The following SLC44A5 variants were observed in gnomAD, a reference collection of about 807,000 sequenced individuals.
The protein encoded by SLC44A5 is solute carrier family 44 member 5, also known as choline transporter-like protein 5.
A neutral mutation model predicts 101.8 loss-of-function variants in SLC44A5; 57 were observed. The ratio of observed to expected loss-of-function variants is 0.56; its 90% CI spans 0.45 to 0.70. The LOEUF (loss-of-function observed/expected upper bound fraction) is 0.70, where lower values mean the gene tolerates loss of function less well. Ranked by LOEUF, SLC44A5 falls within the 30% of genes least tolerant of loss-of-function variation. The pLI is 0.00. For missense variants in SLC44A5, 737 were observed against 853.1 expected, an observed-to-expected ratio of 0.86 and a Z score of 1.70; for synonymous variants, 281 against 290.9, an observed-to-expected ratio of 0.97 and a Z score of 0.35.
rs1428140406 is a variant in SLC44A5, at chr1:75,279,868, T to G, written c.176-4826A>C. Among the ~76,000 whole-genome samples, 4 of 152,008 alleles carry G rather than the reference T, an allele frequency of 2.6e-5. No homozygotes were observed. The East Asian group carries it at 7.8e-4, about 30-fold the overall frequency. ...TTTGGTGCACCTGAGCAGTGTACAT[T>G]CTACCCAATGTGTAGTATTTTGTCT... On this transcript the variant is annotated intron_variant, in intron 5 of 23. Coordinates refer to ENST00000370859, the MANE Select transcript of SLC44A5 (RefSeq NM_001130058.2).
At chr1:75,347,465 T>G (rs1220874695) in intron 3 of SLC44A5, among the ~76,000 whole-genome samples, 3 of 152,190 alleles carry the variant, frequency 2.0e-5, no homozygotes, top group African/African-American at 7.2e-5. Context: ...ATCACATGGA[T>G]GCTTCTATTT....
intron 6 of SLC44A5, among the ~76,000 whole-genome samples, chr1:75,252,966 C>G (rs1303624538): frequency 6.6e-6 from 1 of 152,112 alleles, no homozygotes; most frequent in Non-Finnish European, 1.5e-5. Flanking sequence ...TCAGTGAGGA[C>G]TCCCCCAGAA....
intron 2 of SLC44A5, among the ~76,000 whole-genome samples, chr1:75,495,794 T>C (rs1028554278): frequency 6.6e-6 from 1 of 152,156 alleles, no homozygotes; most frequent in Non-Finnish European, 1.5e-5. Flanking sequence ...ACAAAAAATT[T>C]AATTTTTAAA....
chr1:75,522,651 A>G (rs1163759541), intron 2 of SLC44A5, among the ~76,000 whole-genome samples: 1 of 152,178 alleles, frequency 6.6e-6, no homozygotes, highest in Non-Finnish European at 1.5e-5. Context: ...ATGGCTTAGA[A>G]CCTGTCCCCA....
the SLC44A5 span, among the ~76,000 whole-genome samples, chr1:75,666,914 C>T: frequency 1.4e-3 from 212 of 152,262 alleles, no homozygotes; most frequent in African/African-American, 4.9e-3. Flanking sequence ...TCTCAATAAA[C>T]TAGGTATTGA....
chr1:75,355,846 T>A (rs1659023721), intron 3 of SLC44A5, among the ~76,000 whole-genome samples: 1 of 152,158 alleles, frequency 6.6e-6, no homozygotes, highest in African/African-American at 2.4e-5. Flanking sequence ...GTTTATGTAT[T>A]TACTATACTG....
intron 10 of SLC44A5, 29 bp from the exon 11 acceptor site, chr1:75,237,099 T>TG: frequency 2.2e-6 from 3 of 1,333,700 alleles, no homozygotes; most frequent in Non-Finnish European, 3.2e-6. Context: ...AAAAATCAAT[T>TG]ATTTTTTGAT....
the SLC44A5 span, among the ~76,000 whole-genome samples, chr1:75,692,185 C>CTT: frequency 0.024 from 2,055 of 84,750 alleles, 291 homozygotes; most frequent in African/African-American, 0.094. Context: ...AGATGGGATT[C>CTT]TTTTTTTTTT....
chr1:75,288,628 T>A (rs888252904), intron 5 of SLC44A5, among the ~76,000 whole-genome samples: 1 of 152,170 alleles, frequency 6.6e-6, no homozygotes, highest in Non-Finnish European at 1.5e-5. Context: ...GTTCTGAAGA[T>A]TGTTAGTGTA....
At chr1:75,642,830 G>T in the SLC44A5 span, among the ~76,000 whole-genome samples, 10 of 152,146 alleles carry the variant, frequency 6.6e-5, no homozygotes, top group African/African-American at 2.4e-4. Context: ...TAAGAGAACA[G>T]TACTTTTAAA....
chr1:75,690,917 C>A, the SLC44A5 span, among the ~76,000 whole-genome samples: 2 of 151,882 alleles, frequency 1.3e-5, no homozygotes, highest in African/African-American at 4.8e-5. Flanking sequence ...CACTTGAGAT[C>A]AGGAGTTCAA....
At chr1:75,627,613 T>G in the SLC44A5 span, among the ~76,000 whole-genome samples, 4 of 151,426 alleles carry the variant, frequency 2.6e-5, no homozygotes, top group Non-Finnish European at 5.9e-5. Flanking sequence ...AAACCAGGAG[T>G]ACGAAGCTAG....
At chr1:75,613,016 G>A (rs546763091), upstream of SLC44A5, among the ~76,000 whole-genome samples, 6 of 152,240 alleles carry the variant, frequency 3.9e-5, no homozygotes, top group East Asian at 1.2e-3. Flanking sequence ...GAGAAATCCT[G>A]CCAACAGATC....
intron 1 of SLC44A5, among the ~76,000 whole-genome samples, chr1:75,547,054 A>C (rs1471593357): frequency 6.6e-6 from 1 of 152,196 alleles, no homozygotes; most frequent in Non-Finnish European, 1.5e-5. Flanking sequence ...TTTTATGAAA[A>C]GTTTATAGGA....
chr1:75,400,197 G>A (rs1460951799), intron 2 of SLC44A5, among the ~76,000 whole-genome samples: 1 of 152,184 alleles, frequency 6.6e-6, no homozygotes, highest in African/African-American at 2.4e-5. Context: ...GAGAGGAAAG[G>A]ATGGGGATAC....
At chr1:75,404,493 G>T (rs1206787987) in intron 2 of SLC44A5, among the ~76,000 whole-genome samples, 1 of 152,172 alleles carries the variant, frequency 6.6e-6, no homozygotes, top group African/African-American at 2.4e-5. Context: ...GACTAACAGT[G>T]GATCTCTCTG....
chr1:75,242,593 CCTAGTT>C (rs1410054375), intron 8 of SLC44A5, among the ~76,000 whole-genome samples: 2 of 151,990 alleles, frequency 1.3e-5, no homozygotes, highest in African/African-American at 4.8e-5. Context: ...GACATTAACT[CCTAGTT>C]CTAGAGTAAA....
intron 2 of SLC44A5, among the ~76,000 whole-genome samples, chr1:75,479,322 T>G (rs1320833222): frequency 6.6e-6 from 1 of 152,136 alleles, no homozygotes; most frequent in Non-Finnish European, 1.5e-5. Context: ...ACTGACACCC[T>G]AACATCACAA....
chr1:75,225,330 A>G (rs550343744), intron 13 of SLC44A5, among the ~76,000 whole-genome samples: 10 of 152,336 alleles, frequency 6.6e-5, no homozygotes, highest in African/African-American at 2.4e-4. Flanking sequence ...CTAGGTTTGC[A>G]TAAGGATACT....
Sources: gnomAD v4.1 joint callset for allele counts (sites outside exome capture counted in the v4.1 genomes callset) on GRCh38, gnomAD v4.1.1 for gene constraint, MANE v1.5 for transcripts, NCBI Gene and HGNC (gene_info 2026-07-23, HGNC 2026-07-21) for gene names.